Variants in ABI2 observed in about 807,000 individuals in gnomAD.
ABI2 encodes abl interactor 2.
ABI2 carries 25 observed loss-of-function variants against 59.2 expected under a neutral mutation model. That is an observed-to-expected ratio of 0.42 (90% CI 0.31 to 0.59). The LOEUF is 0.59. Among genes scored for constraint, ABI2 ranks in the 20% least tolerant of loss-of-function variants. ABI2 has a pLI of 0.14. For synonymous variants in ABI2, 213 were observed against 235.5 expected (o/e 0.90, Z 0.87); for missense variants, 545 against 681.8 (o/e 0.80, Z 2.23).
intron 2 of ABI2, chr2:203,376,036 A>G: frequency 6.8e-7 from 1 of 1,479,650 alleles, no homozygotes; most frequent in Non-Finnish European, 9.1e-7. Context: ...AAAGTTATTT[A>G]CTTAAAATAT....
At chr2:203,358,050 G>A (rs544135559) in intron 1 of ABI2, among the ~76,000 whole-genome samples, 26 of 150,726 alleles carry the variant, frequency 1.7e-4, no homozygotes, top group Admixed American at 1.7e-3. Context: ...TTACAGCCAT[G>A]AGCCACTGTG....
At chr2:203,408,833 C>CTTTCTTTTTTTTTTTTT (rs1259310860) in intron 9 of ABI2, among the ~76,000 whole-genome samples, 14 of 87,214 alleles carry the variant, frequency 1.6e-4, no homozygotes, top group South Asian at 5.2e-4. Context: ...CTTCTCCTTT[C>CTTTCTTTTTTTTTTTTT]TTTTTTTTTT....
intron 10 of ABI2, among the ~76,000 whole-genome samples, chr2:203,412,053 G>A (rs1268188609): frequency 6.6e-6 from 1 of 152,088 alleles, no homozygotes; most frequent in Admixed American, 6.5e-5. Flanking sequence ...CAATAATAAG[G>A]TTACATGATT....
intron 4 of ABI2, among the ~76,000 whole-genome samples, chr2:203,387,829 T>C (rs949339893): frequency 6.6e-6 from 1 of 152,188 alleles, no homozygotes; most frequent in Non-Finnish European, 1.5e-5. Flanking sequence ...CTTGAGTTTA[T>C]GGTATATGTT....
chr2:203,418,835 A>C (rs927471025), intron 11 of ABI2, among the ~76,000 whole-genome samples: 17 of 152,272 alleles, frequency 1.1e-4, no homozygotes, highest in African/African-American at 3.9e-4. Context: ...CACAGATCCA[A>C]GAAGTTCAAT....
chr2:203,411,692 T>C (rs1309929391), intron 10 of ABI2, among the ~76,000 whole-genome samples: 1 of 152,186 alleles, frequency 6.6e-6, no homozygotes, highest in African/African-American at 2.4e-5. Flanking sequence ...TAGTTTCTTA[T>C]CACTGGAGTT....
chr2:203,355,754 C>G (rs771371754), intron 1 of ABI2, among the ~76,000 whole-genome samples: 4 of 146,232 alleles, frequency 2.7e-5, no homozygotes, highest in Non-Finnish European at 5.9e-5. Flanking sequence ...TCGCTTGAAT[C>G]TGGGAGGCAG....
At chr2:203,413,013 A>G (rs911875448) in intron 10 of ABI2, among the ~76,000 whole-genome samples, 1 of 152,240 alleles carries the variant, frequency 6.6e-6, no homozygotes, top group African/African-American at 2.4e-5. Context: ...ACAATGATTA[A>G]TGATGGTAGT....
At chr2:203,341,540 C>A (rs559542126) in intron 1 of ABI2, among the ~76,000 whole-genome samples, 1 of 152,044 alleles carries the variant, frequency 6.6e-6, no homozygotes, top group South Asian at 2.1e-4. Flanking sequence ...GATGGCGAAA[C>A]CCCATCTCTA....
intron 8 of ABI2, 117 bp from the exon 9 acceptor site, chr2:203,402,459 A>G: frequency 1.4e-6 from 1 of 717,908 alleles, no homozygotes; most frequent in Non-Finnish European, 2.0e-6. Context: ...TATTTCAGAT[A>G]CCAGTTAAAC....
chr2:203,397,060 G>A (rs928401145), intron 8 of ABI2, 93 bp downstream of exon 8: 1 of 1,277,416 alleles, frequency 7.8e-7, no homozygotes, highest in Non-Finnish European at 9.9e-7. Flanking sequence ...TGGTTTTGTT[G>A]TACTTCGTAT....
In ABI2 at chr2:203,427,448, G is replaced by A. The variant is rs910745307; in HGVS notation, c.*96G>A. ...TTCCACTCCAGTAAAGTAGAATGAA[G>A]GATACAAATGATAAAAATTACACTT... is the stretch of plus-strand genomic sequence containing the variant. On this transcript the variant is annotated 3_prime_UTR_variant, in exon 12 of 12. Coordinates refer to ENST00000261018, the MANE Select transcript of ABI2 (RefSeq NM_001375670.1). The A allele has an allele frequency of 6.4e-6, 7 of 1,101,530 alleles. No homozygotes were observed. The African/African-American group carries it at 1.1e-4, about 17-fold the overall frequency. 68.2% of individuals were successfully genotyped at this position (1,101,530 alleles called of 1,614,324 possible). A position where few individuals can be genotyped will look rare whatever the true frequency, so the allele number is the denominator to read the frequency against.
intron 4 of ABI2, chr2:203,386,542 T>C: frequency 1.4e-6 from 1 of 710,692 alleles, no homozygotes; most frequent in Non-Finnish European, 1.7e-6. Context: ...TAGGGAAGTT[T>C]CATAGAGAAA....
At chr2:203,378,855 AT>A (rs1201111703) in intron 2 of ABI2, among the ~76,000 whole-genome samples, 3 of 151,928 alleles carry the variant, frequency 2.0e-5, no homozygotes, top group Non-Finnish European at 4.4e-5. Context: ...ACAGGAAAAA[AT>A]TTTTTTTACG....
At chr2:203,376,175 T>G in intron 2 of ABI2, 1 of 1,446,458 alleles carries the variant, frequency 6.9e-7, no homozygotes, top group Non-Finnish European at 9.2e-7. Context: ...AGATCTTTGG[T>G]TCTCAACCAG....
intron 10 of ABI2, among the ~76,000 whole-genome samples, chr2:203,416,219 C>A (rs2044947): frequency 6.6e-6 from 1 of 152,150 alleles, no homozygotes; most frequent in East Asian, 1.9e-4. Context: ...TGATAACTTA[C>A]CCTTGAATAC....
At chr2:203,365,351 A>G (rs958268937) in intron 1 of ABI2, among the ~76,000 whole-genome samples, 1 of 152,154 alleles carries the variant, frequency 6.6e-6, no homozygotes, top group East Asian at 1.9e-4. Flanking sequence ...TTAATGTACT[A>G]TATGAATGTA....
At chr2:203,352,601 T>C (rs2089516533) in intron 1 of ABI2, among the ~76,000 whole-genome samples, 1 of 151,708 alleles carries the variant, frequency 6.6e-6, no homozygotes, top group South Asian at 2.1e-4. Context: ...GAAAATGATA[T>C]AAAGAAAAAA....
chr2:203,374,867 T>G (rs2095577600), intron 2 of ABI2: 1 of 454,374 alleles, frequency 2.2e-6, no homozygotes, highest in Admixed American at 2.4e-5. Context: ...TGCTATCCAG[T>G]ACAGTCAACT....
Sources: allele counts gnomAD v4.1 joint callset (sites outside exome capture counted in the v4.1 genomes callset), GRCh38; gene constraint gnomAD v4.1.1; transcripts MANE v1.5; gene names NCBI Gene and HGNC (gene_info 2026-07-23, HGNC 2026-07-21).